SLC9A2: variants seen among roughly 807,000 people sequenced by gnomAD.
SLC9A2 encodes the protein solute carrier family 9 member A2.
In SLC9A2, 42 loss-of-function variants were observed where a neutral mutation model predicts 71.7. The ratio of observed to expected loss-of-function variants is 0.59; its 90% CI spans 0.46 to 0.76. SLC9A2 has a LOEUF of 0.76. Among genes scored for constraint, SLC9A2 ranks in the 30% least tolerant of loss-of-function variants. The probability of loss-of-function intolerance (pLI) is 0.00; values close to 1 mark genes in which losing one functional copy is unlikely to be tolerated. For synonymous variants in SLC9A2, 396 were observed against 392.5 expected, an observed-to-expected ratio of 1.01 and a Z score of -0.10; for missense variants, 829 against 1,017.4, an observed-to-expected ratio of 0.81 and a Z score of 2.52.
chr2:102,645,726 A>T (rs886125910), intron 1 of SLC9A2, among the ~76,000 whole-genome samples: 1 of 152,108 alleles, frequency 6.6e-6, no homozygotes, highest in Non-Finnish European at 1.5e-5. Context: ...AACTTAATGA[A>T]ATAAAGCCTA....
chr2:102,629,505 T>C (rs1453726802), intron 1 of SLC9A2, among the ~76,000 whole-genome samples: 1 of 152,130 alleles, frequency 6.6e-6, no homozygotes, highest in Admixed American at 6.6e-5. Flanking sequence ...GGATTTTGCA[T>C]CTTTAATTTC....
chr2:102,668,564 C>G (rs189251745), intron 3 of SLC9A2, among the ~76,000 whole-genome samples: 8 of 152,270 alleles, frequency 5.3e-5, no homozygotes, highest in Admixed American at 5.2e-4. Context: ...CTCTCTTTTA[C>G]CATTTATAAA....
rs889696994 is a variant in SLC9A2, at chr2:102,709,882, C to G, written c.*1393C>G. ...AGTGTAGAAATTAAATGAAGCCACT[C>G]ACAGTCCTTTGATTTCCCACTGAAG... On this transcript the variant is annotated 3_prime_UTR_variant, in exon 12 of 12. Transcript: ENST00000233969. 7.2e-5 allele frequency: 11 copies of G among 152,166 alleles called. No individual in the cohort carries two copies. Among genetic ancestry groups the G allele is most frequent in the Non-Finnish European group, 1.6e-4 (11 of 67,992 alleles). 9.4% of individuals were successfully genotyped at this position (152,166 alleles called of 1,614,324 possible). A position where few individuals can be genotyped will look rare whatever the true frequency, so the allele number is the denominator to read the frequency against.
At chr2:102,683,961 C>G (rs1677502735) in intron 4 of SLC9A2, among the ~76,000 whole-genome samples, 173 bp from the exon 5 acceptor site, 1 of 152,152 alleles carries the variant, frequency 6.6e-6, no homozygotes, top group Non-Finnish European at 1.5e-5. Context: ...CCTGAAACAA[C>G]ATCAAAGGCC....
chr2:102,621,656 G>T (rs531842573), intron 1 of SLC9A2, among the ~76,000 whole-genome samples: 8 of 152,280 alleles, frequency 5.3e-5, no homozygotes, highest in African/African-American at 1.9e-4. Context: ...ATGAAAAGAC[G>T]CATTGTCTGC....
chr2:102,708,205 T>C lies in SLC9A2; in HGVS notation c.2155T>C (p.Phe719Leu). 3 of 1,614,086 alleles carry C rather than the reference T, an allele frequency of 1.9e-6. No homozygotes were observed. Among genetic ancestry groups the C allele is most frequent in the Non-Finnish European group, 2.5e-6 (3 of 1,180,008 alleles). The stretch of plus-strand genomic sequence containing the variant: ...AGCCAGGCGCTTCTTGCCAGAACAG[T>C]TCTCCAAGAAATCCCCCCAGTCCTA... ...PRARRFLPEQ[F>L]SKKSPQSYKM... The change falls in exon 12 of 12, where the codon TTC (phenylalanine) becomes CTC (leucine). Residue 719 changes from phenylalanine (F) to leucine (L), a missense_variant. This residue lies in a region of SLC9A2 where 223 missense variants were observed against 197.5 expected (regional missense o/e 1.13). Coordinates refer to ENST00000233969, the MANE Select transcript of SLC9A2 (RefSeq NM_003048.6).
intron 2 of SLC9A2, 74 bp from the exon 3 acceptor site, chr2:102,665,026 G>C (rs750922308): frequency 5.3e-5 from 78 of 1,472,022 alleles, no homozygotes; most frequent in Non-Finnish European, 6.9e-5. Context: ...AGTCCAGGTA[G>C]ATGTGTTTGT....
chr2:102,624,731 G>A (rs1293349417), intron 1 of SLC9A2, among the ~76,000 whole-genome samples: 2 of 152,128 alleles, frequency 1.3e-5, no homozygotes, highest in African/African-American at 4.8e-5. Flanking sequence ...CTAAGTTGGA[G>A]TAAGATGCAG....
chr2:102,636,877 G>A (rs1001984916), intron 1 of SLC9A2, among the ~76,000 whole-genome samples: 6 of 152,064 alleles, frequency 3.9e-5, no homozygotes, highest in Admixed American at 3.9e-4. Context: ...TCAACCCCTT[G>A]GACTCTGTAA....
chr2:102,624,762 C>T (rs1465169006), intron 1 of SLC9A2, among the ~76,000 whole-genome samples: 2 of 152,144 alleles, frequency 1.3e-5, no homozygotes, highest in Non-Finnish European at 2.9e-5. Flanking sequence ...CTCCCTCCAT[C>T]CTGCTGTCAT....
chr2:102,651,451 G>A (rs1022982674), intron 1 of SLC9A2, among the ~76,000 whole-genome samples: 2 of 152,090 alleles, frequency 1.3e-5, no homozygotes, highest in Non-Finnish European at 2.9e-5. Context: ...CCCAACTCAG[G>A]GCTTGTCCCC....
chr2:102,682,781 G>C (rs1388440492), intron 3 of SLC9A2, among the ~76,000 whole-genome samples: 3 of 152,172 alleles, frequency 2.0e-5, no homozygotes, highest in Admixed American at 2.0e-4. Flanking sequence ...TGGCAGGGGG[G>C]CTACTAAGAT....
At chr2:102,684,823 A>G (rs1677518605) in intron 5 of SLC9A2, among the ~76,000 whole-genome samples, 1 of 152,338 alleles carries the variant, frequency 6.6e-6, no homozygotes, top group East Asian at 1.9e-4. Context: ...CTTTAAGTTA[A>G]GATGCCAACT....
intron 1 of SLC9A2, among the ~76,000 whole-genome samples, chr2:102,621,294 G>A (rs940919608): frequency 2.1e-5 from 3 of 143,942 alleles, no homozygotes; most frequent in African/African-American, 7.7e-5. Context: ...GTTGCAGTGA[G>A]CCATGAATGG....
chr2:102,644,581 C>G (rs1468514419), intron 1 of SLC9A2, among the ~76,000 whole-genome samples: 1 of 152,196 alleles, frequency 6.6e-6, no homozygotes, highest in African/African-American at 2.4e-5. Context: ...ATTCTTGCTG[C>G]CAGCACAGGA....
intron 5 of SLC9A2, among the ~76,000 whole-genome samples, chr2:102,693,070 T>TACAC (rs940086761): frequency 6.6e-6 from 1 of 151,152 alleles, no homozygotes; most frequent in Middle Eastern, 3.2e-3. Flanking sequence ...TATATATATA[T>TACAC]ACACACACAC....
chr2:102,653,371 C>T (rs1053429243), intron 1 of SLC9A2, among the ~76,000 whole-genome samples: 1 of 152,182 alleles, frequency 6.6e-6, no homozygotes, highest in Non-Finnish European at 1.5e-5. Context: ...TGCTGTTCCT[C>T]TCTGATTTTG....
chr2:102,709,412 A>G lies in SLC9A2; in HGVS notation c.*923A>G, dbSNP rs536159051. 4.6e-5 allele frequency: 7 copies of G among 152,762 alleles called. No individual in the cohort carries two copies. The highest frequency in any genetic ancestry group is 1.7e-4 in the African/African-American group (7 of 41,564). The allele number at this position is 152,762 out of a possible 1,614,324, so 9.5% of individuals were successfully genotyped here. On this transcript the variant is annotated 3_prime_UTR_variant, in exon 12 of 12. Coordinates refer to ENST00000233969, the MANE Select transcript of SLC9A2 (RefSeq NM_003048.6). ...ACTAGGAGGAGGAGGCAGGTGATCT[A>G]TGCTGATCTATGATCACCTGCTTCA...
chr2:102,653,755 G>T (rs539079767), intron 1 of SLC9A2, among the ~76,000 whole-genome samples: 2 of 152,222 alleles, frequency 1.3e-5, no homozygotes, highest in African/African-American at 4.8e-5. Flanking sequence ...AAGAGGAAAT[G>T]GGAGTCTCCA....
Sources: allele counts gnomAD v4.1 joint callset (sites outside exome capture counted in the v4.1 genomes callset), GRCh38; gene constraint gnomAD v4.1.1; regional missense constraint gnomAD v4.1.1; transcripts MANE v1.5; gene names NCBI Gene and HGNC (gene_info 2026-07-23, HGNC 2026-07-21).